The following HDAC9 variants were observed in gnomAD, a reference collection of about 807,000 sequenced individuals.
The protein encoded by HDAC9 is histone deacetylase 9, also known as MEF-2 interacting transcription repressor (MITR) protein.
In HDAC9, 41 loss-of-function variants were observed where a neutral mutation model predicts 139.4. That is an observed-to-expected ratio of 0.29 (90% CI 0.23 to 0.38). The LOEUF (loss-of-function observed/expected upper bound fraction) is 0.38. Among genes scored for constraint, HDAC9 ranks in the 10% least tolerant of loss-of-function variants. HDAC9 has a pLI of 1.00. For missense variants in HDAC9, 1,147 were observed against 1,297.0 expected (o/e 0.88, Z 1.78); for synonymous variants, 517 against 476.2 (o/e 1.09, Z -1.12).
chr7:18,674,736 G>A (rs756789), intron 12 of HDAC9, among the ~76,000 whole-genome samples: 57,595 of 151,718 alleles, frequency 0.38, 15,272 homozygotes, highest in African/African-American at 0.74. Flanking sequence ...TGTGAAATGT[G>A]GAGTCATATT....
At chr7:18,994,497 T>C (rs1786295241) in intron 25 of HDAC9, among the ~76,000 whole-genome samples, 1 of 152,182 alleles carries the variant, frequency 6.6e-6, no homozygotes, top group Admixed American at 6.5e-5. Context: ...CCAGACACTC[T>C]AGGACAGGCT....
chr7:18,255,709 C>T (rs892578516), intron 2 of HDAC9, among the ~76,000 whole-genome samples: 2 of 149,466 alleles, frequency 1.3e-5, no homozygotes, highest in African/African-American at 4.9e-5. Context: ...GCTCACTGCA[C>T]CCTCTGCCTC....
exon 2 of HDAC9, chr7:18,162,327 G>C (rs1030687960): frequency 5.9e-6 from 9 of 1,535,188 alleles, no homozygotes; most frequent in Non-Finnish European, 4.4e-6. Context: ...TGATTCTCAT[G>C]ATGAGCTCAC....
intron 22 of HDAC9, among the ~76,000 whole-genome samples, chr7:18,900,815 GA>G (rs986071342): frequency 2.6e-5 from 4 of 152,046 alleles, no homozygotes; most frequent in African/African-American, 9.7e-5. Flanking sequence ...CCTACCCTGG[GA>G]AAAACAACAT....
At chr7:18,994,378 A>G (rs1221752462) in intron 25 of HDAC9, among the ~76,000 whole-genome samples, 2 of 152,196 alleles carry the variant, frequency 1.3e-5, no homozygotes, top group African/African-American at 2.4e-5. Flanking sequence ...CTTAATTTAA[A>G]ATCTTTCTTC....
chr7:18,125,098 A>T (rs540003382), intron 1 of HDAC9, among the ~76,000 whole-genome samples: 1 of 152,240 alleles, frequency 6.6e-6, no homozygotes, highest in South Asian at 2.1e-4. Flanking sequence ...GCCAGATTTG[A>T]TGATGAGGAG....
At chr7:18,339,253 C>T (rs1781812223) in intron 1 of HDAC9, among the ~76,000 whole-genome samples, 1 of 151,234 alleles carries the variant, frequency 6.6e-6, no homozygotes, top group Admixed American at 6.6e-5. Context: ...TTTCTACTTT[C>T]TATTTTACTG....
intron 2 of HDAC9, among the ~76,000 whole-genome samples, chr7:18,170,107 C>T (rs1788309874): frequency 6.6e-6 from 1 of 152,150 alleles, no homozygotes; most frequent in African/African-American, 2.4e-5. Flanking sequence ...TTCTCCACAT[C>T]CTCTCCAGCA....
At chr7:18,935,350 T>C (rs1485319493) in intron 22 of HDAC9, among the ~76,000 whole-genome samples, 1 of 152,212 alleles carries the variant, frequency 6.6e-6, no homozygotes, top group African/African-American at 2.4e-5. Context: ...CATTAGATAA[T>C]GTAAATATTA....
intron 1 of HDAC9, among the ~76,000 whole-genome samples, chr7:18,472,930 A>G (rs902400258): frequency 3.9e-5 from 6 of 152,202 alleles, no homozygotes; most frequent in African/African-American, 1.4e-4. Context: ...ACTTGTAAAA[A>G]TGAATGAATT....
intron 1 of HDAC9, among the ~76,000 whole-genome samples, chr7:18,385,859 A>G (rs551787291): frequency 2.0e-5 from 3 of 152,240 alleles, no homozygotes; most frequent in African/African-American, 4.8e-5. Context: ...TCAGTATGTT[A>G]TAGAGTGGAC....
At chr7:18,531,890 A>G (rs1809101691) in intron 2 of HDAC9, among the ~76,000 whole-genome samples, 1 of 152,148 alleles carries the variant, frequency 6.6e-6, no homozygotes, top group Admixed American at 6.6e-5. Flanking sequence ...TTTTGTCAAA[A>G]TTTGGTGCTT....
chr7:18,328,241 C>T (rs796598452), intron 1 of HDAC9, among the ~76,000 whole-genome samples: 41 of 152,006 alleles, frequency 2.7e-4, no homozygotes, highest in African/African-American at 8.4e-4. Context: ...CTTTTTGCAA[C>T]GTGGAATTGC....
intron 1 of HDAC9, among the ~76,000 whole-genome samples, chr7:18,377,817 G>A (rs766554877): frequency 8.5e-5 from 13 of 152,134 alleles, no homozygotes; most frequent in East Asian, 1.9e-4. Context: ...AAAAAAATCT[G>A]CAGTTATCCA....
At chr7:18,635,180 T>C (rs1783509436) in intron 8 of HDAC9, among the ~76,000 whole-genome samples, 1 of 151,862 alleles carries the variant, frequency 6.6e-6, no homozygotes, top group African/African-American at 2.4e-5. Flanking sequence ...GTTGTGCCGA[T>C]GTGAGTAGAC....
At chr7:18,643,999 A>G (rs1451067671) in intron 8 of HDAC9, among the ~76,000 whole-genome samples, 1 of 152,122 alleles carries the variant, frequency 6.6e-6, no homozygotes, top group African/African-American at 2.4e-5. Context: ...ATGGATTAAA[A>G]AAAAGGTATT....
intron 1 of HDAC9, among the ~76,000 whole-genome samples, chr7:18,387,428 T>C (rs1459941952): frequency 1.3e-5 from 2 of 152,242 alleles, no homozygotes; most frequent in Non-Finnish European, 2.9e-5. Context: ...TAAAGCTTTC[T>C]CCAAATTGCC....
intron 17 of HDAC9, among the ~76,000 whole-genome samples, chr7:18,825,102 C>G (rs147448964): frequency 1.2e-4 from 18 of 152,244 alleles, no homozygotes; most frequent in African/African-American, 4.1e-4. Flanking sequence ...TTTCAAGTGA[C>G]TTTGATATAT....
At chr7:18,873,928 T>C (rs1799119041) in intron 21 of HDAC9, among the ~76,000 whole-genome samples, 2 of 152,114 alleles carry the variant, frequency 1.3e-5, no homozygotes, top group African/African-American at 2.4e-5. Flanking sequence ...CATTGTAGTC[T>C]GGATTCTATT....
Sources: allele counts gnomAD v4.1 joint callset (sites outside exome capture counted in the v4.1 genomes callset), GRCh38; gene constraint gnomAD v4.1.1; transcripts MANE v1.5; gene names NCBI Gene and HGNC (gene_info 2026-07-23, HGNC 2026-07-21).